The following ESPNL variants were observed in gnomAD, a reference collection of about 807,000 sequenced individuals.
ESPNL encodes the protein espin like.
A neutral mutation model predicts 46.8 loss-of-function variants in ESPNL; 49 were observed. The ratio of observed to expected loss-of-function variants is 1.05; its 90% CI spans 0.83 to 1.33. ESPNL has a LOEUF of 1.33. Ranked by LOEUF, ESPNL falls within the 40% of genes most tolerant of loss-of-function variation. The pLI, the probability that ESPNL is intolerant of heterozygous loss-of-function variation, is 0.00. For synonymous variants in ESPNL, 664 were observed against 662.1 expected (o/e 1.00, Z -0.04); for missense variants, 1,540 against 1,436.6 (o/e 1.07, Z -1.16).
intron 4 of ESPNL, among the ~76,000 whole-genome samples, chr2:238,109,300 T>A (rs1239027944): frequency 1.3e-5 from 2 of 152,246 alleles, no homozygotes; most frequent in Non-Finnish European, 2.9e-5. Context: ...ATAAATCAGC[T>A]GACTCCTCTG....
chr2:238,121,898 GCACCCA>G (rs1691994983), intron 5 of ESPNL, among the ~76,000 whole-genome samples: 1 of 152,350 alleles, frequency 6.6e-6, no homozygotes, highest in Admixed American at 6.5e-5. Flanking sequence ...GGGAAGGGTG[GCACCCA>G]CACAGCCAGT....
Position 238,130,826 on chromosome 2 carries a change from GC to G in ESPNL, c.2114del (p.Pro705LeufsTer62). ...GTGGCCTGGCTTCAGGGGAGCCCAGGCCTGGCGACACAGAGGAGGCCAGCGA... is the reference window on the plus strand; with the variant it reads ...GTGGCCTGGCTTCAGGGGAGCCCAGGCTGGCGACACAGAGGAGGCCAGCGA... ...RSGLASGEPR[P>X]GDTEEASDSG... On this transcript the variant is annotated frameshift_variant, in exon 9 of 9. Transcript: ENST00000343063. LOFTEE classifies it low-confidence loss of function (END_TRUNC). 6.5e-7 allele frequency: 1 copy of G among 1,547,202 alleles called. No homozygotes were observed. The highest frequency in any genetic ancestry group is 8.7e-7 in the Non-Finnish European group (1 of 1,149,252).
At position 238,131,477 on chromosome 2, in the gene ESPNL, CAT is replaced by C; in HGVS notation, c.2764_2765del (p.Ile922GlnfsTer40). 1 of 1,611,792 alleles carries C rather than the reference CAT, an allele frequency of 6.2e-7. No individual in the cohort carries two copies. The highest frequency in any genetic ancestry group is 8.5e-7 in the Non-Finnish European group (1 of 1,179,498). On this transcript the variant is annotated frameshift_variant, in exon 9 of 9. Coordinates refer to ENST00000343063, the MANE Select transcript of ESPNL (RefSeq NM_194312.4). LOFTEE classifies it low-confidence loss of function (END_TRUNC). The part of the protein sequence containing the change: ...RRAWTDGFED[I>X]KARFFGSSQR... ...GGGCCTGGACCGACGGCTTCGAGGA[CAT>C]CAAAGCCCGCTTCTTTGGCTCCAGC...
intron 5 of ESPNL, among the ~76,000 whole-genome samples, chr2:238,118,899 G>A (rs1242995993): frequency 2.8e-5 from 4 of 142,740 alleles, no homozygotes; most frequent in Non-Finnish European, 4.6e-5. Flanking sequence ...AGAGTTGGAC[G>A]GAGGAGGTGG....
Position 238,114,338 on chromosome 2 carries a change from C to T in ESPNL, c.856-2565C>T, listed in dbSNP as rs1553571645. Among the ~76,000 whole-genome samples, 1 of 152,170 alleles carries T rather than the reference C, an allele frequency of 6.6e-6. No individual in the cohort carries two copies. The highest frequency in any genetic ancestry group is 2.1e-4 in the South Asian group (1 of 4,828). ...TTCCTCTGCCGTGACACCCCTCATA[C>T]TCCTGCAGACCCCGTAACTCCCCTC... is the stretch of plus-strand genomic sequence containing the variant. On this transcript the variant is annotated intron_variant, in intron 4 of 8. Transcript: ENST00000343063. This position sits in a 1 kb window ranked among gnomAD's most constrained non-coding sequence, Gnocchi z 5.0.
chr2:238,131,369 C>T lies in ESPNL; in HGVS notation c.2655C>T (p.Val885=). The T allele has an allele frequency of 3.1e-6, 5 of 1,602,496 alleles. No individual in the cohort carries two copies. The highest frequency in any genetic ancestry group is 3.4e-6 in the Non-Finnish European group (4 of 1,175,382). ...TGCGCCACCTGCTGTGCTTCGAGGT[C>T]TTCGAGCACCTGGGCACCCACGGCT... ...RKLRHLLCFE[V]FEHLGTHGWE... The change falls in exon 9 of 9, where the codon GTC becomes GTT. Residue 885 remains valine, a synonymous_variant. Transcript: ENST00000343063.
rs1691488821 is a variant in ESPNL, at chr2:238,101,963, C to T, written c.317C>T (p.Ser106Phe). ...TAGGACCAAGATGCCTCGGGCGTCT[C>T]CCCGCTGCACCTGGCCGCCCGTTTT... is the stretch of plus-strand genomic sequence containing the variant. ...GLQDQDASGV[S>F]PLHLAARFGH... Residue 106 changes from serine to phenylalanine, a missense_variant, in exon 2 of 9, where the codon TCC becomes TTC. Transcript: ENST00000343063. 6.2e-7 allele frequency: 1 copy of T among 1,609,412 alleles called. No individual in the cohort carries two copies.
At chr2:238,115,894 A>G (rs1691803288) in intron 4 of ESPNL, among the ~76,000 whole-genome samples, 2 of 152,054 alleles carry the variant, frequency 1.3e-5, no homozygotes, top group Non-Finnish European at 2.9e-5. Context: ...CTGGTCTGGA[A>G]CTCCTGACTT....
intron 4 of ESPNL, among the ~76,000 whole-genome samples, chr2:238,111,095 T>G (rs893986317): frequency 3.8e-4 from 58 of 151,728 alleles, no homozygotes; most frequent in African/African-American, 1.4e-3. Context: ...CCTGGCTAAT[T>G]TTTGTATTTT....
chr2:238,127,386 C>T (rs1331406004), intron 6 of ESPNL: 3 of 1,312,980 alleles, frequency 2.3e-6, no homozygotes, highest in East Asian at 3.2e-5. Flanking sequence ...CGCGGCGTGG[C>T]CCAGCGGTGT....
chr2:238,108,976 GC>G lies in ESPNL; in HGVS notation c.855+1009del, dbSNP rs201916717. ...GCTGCTGAAAGCATCTTTCTCTGAG[GC>G]CCCCCAGCTACCGCCCTTCCTCTCA... On this transcript the variant is annotated intron_variant, in intron 4 of 8. Coordinates refer to ENST00000343063, the MANE Select transcript of ESPNL (RefSeq NM_194312.4). Among the ~76,000 whole-genome samples, 1,474 of 152,198 alleles carry G rather than the reference GC, an allele frequency of 9.7e-3. 12 individuals carry two copies. The highest frequency in any genetic ancestry group is 0.02 in the Middle Eastern group (6 of 294).
At chr2:238,103,690 A>T (rs1691535364) in intron 2 of ESPNL, among the ~76,000 whole-genome samples, 2 of 152,216 alleles carry the variant, frequency 1.3e-5, no homozygotes, top group South Asian at 4.1e-4. Context: ...CACCTGGCAG[A>T]GTCTGGTGAA....
rs750525972 is a variant in ESPNL at position 238,131,621 on chromosome 2, G to T, written c.2907G>T (p.Gly969=). Residue 969 remains glycine, a synonymous_variant, in exon 9 of 9, where the codon GGG becomes GGT. Coordinates refer to ENST00000343063, the MANE Select transcript of ESPNL (RefSeq NM_194312.4). ...SGPEPTAQRL[G]SRSQQGSFNG... ...CTGAGCCCACAGCACAGCGGCTGGG[G>T]TCCCGCTCCCAGCAGGGCAGCTTCA... The T allele has an allele frequency of 6.2e-7, 1 of 1,611,386 alleles. No individual in the cohort carries two copies. Among genetic ancestry groups the T allele is most frequent in the Non-Finnish European group, 8.5e-7 (1 of 1,178,840 alleles).
chr2:238,107,847 G>T lies in ESPNL; in HGVS notation c.729G>T (p.Leu243=). The stretch of plus-strand genomic sequence containing the variant: ...GGGACAATGAGGGGGCCACGGCCCT[G>T]CACTTTGCAGCCCGAGGCGGCCACA... ...TARDNEGATA[L]HFAARGGHTP... is the part of the protein sequence containing the mutation. The change falls in exon 4 of 9, where the codon CTG becomes CTT. Residue 243 remains leucine (L), a synonymous_variant. Transcript: ENST00000343063. The T allele has an allele frequency of 6.2e-7, 1 of 1,609,142 alleles. No individual in the cohort carries two copies. The highest frequency in any genetic ancestry group is 8.5e-7 in the Non-Finnish European group (1 of 1,178,204).
At chr2:238,125,967 G>T (rs62197370) in intron 6 of ESPNL, among the ~76,000 whole-genome samples, 5 of 151,832 alleles carry the variant, frequency 3.3e-5, no homozygotes. Context: ...CCTTCTCTGT[G>T]TGTGATTGTG....
In ESPNL at chr2:238,111,499, T is replaced by G. The variant is rs1329732622; in HGVS notation, c.855+3526T>G. 2.0e-5 allele frequency among the ~76,000 whole-genome samples: 3 copies of G among 152,198 alleles called. No individual in the cohort carries two copies. The South Asian group carries it at 6.2e-4, about 31-fold the overall frequency. Reference sequence around the variant, plus strand: ...ATCCTACTTTCTGTTTTTTATGAACTTGATGACTTAGGATGCCTCATATAA... The same window carrying G: ...ATCCTACTTTCTGTTTTTTATGAACGTGATGACTTAGGATGCCTCATATAA... On this transcript the variant is annotated intron_variant, in intron 4 of 8. Coordinates refer to ENST00000343063, the MANE Select transcript of ESPNL (RefSeq NM_194312.4).
In ESPNL at chr2:238,131,107, GGCA is replaced by G. The variant is rs1348946526; in HGVS notation, c.2399_2401del (p.Gln800del). On this transcript the variant is annotated inframe_deletion, in exon 9 of 9. Transcript: ENST00000343063. Reference sequence around the variant, plus strand: ...GAGGGCCCCCGGCTGGGCCACCTGTGGCAGCAGCGCAGCACCATCACCCACCTG... The same window carrying G: ...GAGGGCCCCCGGCTGGGCCACCTGTGGCAGCGCAGCACCATCACCCACCTG... 6.5e-7 allele frequency: 1 copy of G among 1,543,862 alleles called. No homozygotes were observed. Among genetic ancestry groups the G allele is most frequent in the Admixed American group, 2.0e-5 (1 of 50,974 alleles).
chr2:238,131,472 G>GGCTCC lies in ESPNL; in HGVS notation c.2758_2759insGCTCC (p.Glu920GlyfsTer28). On this transcript the variant is annotated frameshift_variant, in exon 9 of 9. Transcript: ENST00000343063. LOFTEE classifies it low-confidence loss of function (END_TRUNC). ...CCGCCGGGCCTGGACCGACGGCTTC[G>GGCTCC]AGGACATCAAAGCCCGCTTCTTTGG... is the stretch of plus-strand genomic sequence containing the variant. 6.2e-7 allele frequency: 1 copy of GGCTCC among 1,611,692 alleles called. No homozygotes were observed. Among genetic ancestry groups the GGCTCC allele is most frequent in the Non-Finnish European group, 8.5e-7 (1 of 1,179,458 alleles).
In ESPNL at chr2:238,131,218, C is replaced by T. The variant is rs779624399; in HGVS notation, c.2504C>T (p.Ser835Phe). 2.3e-5 allele frequency: 35 copies of T among 1,551,314 alleles called. 1 individual carries two copies. The highest frequency in any genetic ancestry group is 2.0e-4 in the South Asian group (17 of 84,574). Residue 835 changes from serine (S) to phenylalanine (F), a missense_variant, in exon 9 of 9, where the codon TCC becomes TTC. Coordinates refer to ENST00000343063, the MANE Select transcript of ESPNL (RefSeq NM_194312.4). The part of the protein sequence containing the change: ...RLSRQPRGAL[S>F]PEQFLPHVDG... ...AGCCGGCAGCCCCGCGGGGCTTTGTCCCCCGAGCAGTTCCTGCCCCACGTG... is the reference window on the plus strand; with the variant it reads ...AGCCGGCAGCCCCGCGGGGCTTTGTTCCCCGAGCAGTTCCTGCCCCACGTG...
Sources: gnomAD v4.1 joint callset for allele counts (sites outside exome capture counted in the v4.1 genomes callset) on GRCh38, gnomAD v4.1.1 for gene constraint, Gnocchi (gnomAD v3.1) non-coding constraint, MANE v1.5 for transcripts, NCBI Gene and HGNC (gene_info 2026-07-23, HGNC 2026-07-21) for gene names.